REEP1: variants seen among roughly 807,000 people sequenced by gnomAD.
REEP1 encodes receptor accessory protein 1.
REEP1 carries 22 observed loss-of-function variants against 40.3 expected under a neutral mutation model. The observed-to-expected ratio is 0.55, with a 90% CI of 0.39 to 0.78. The LOEUF (loss-of-function observed/expected upper bound fraction) is 0.78, where lower values mean the gene tolerates loss of function less well. Ranked by LOEUF, REEP1 falls within the 30% of genes least tolerant of loss-of-function variation. The pLI, the probability that REEP1 is intolerant of heterozygous loss-of-function variation, is 0.00. For missense variants in REEP1, 280 were observed against 361.1 expected (o/e 0.78, Z 1.82); for synonymous variants, 116 against 139.2 (o/e 0.83, Z 1.17).
At chr2:86,219,451 CTTTTT>C (rs11350191) in intron 8 of REEP1, among the ~76,000 whole-genome samples, 2,138 of 129,956 alleles carry the variant, frequency 0.016, 55 homozygotes, top group African/African-American at 0.056. Flanking sequence ...TTTTTCTTTT[CTTTTT>C]TTTTTTTTTT....
intron 8 of REEP1, among the ~76,000 whole-genome samples, chr2:86,219,726 A>G (rs7592211): frequency 0.81 from 123,941 of 152,158 alleles, 52,526 homozygotes; most frequent in East Asian, 0.98. Context: ...GATTACAGGC[A>G]TAAGCCACTG....
rs143607936 is a variant in REEP1 at position 86,264,100 on chromosome 2, C to T, written c.106-59G>A. ...AAGGTCCAGGAAAAACACTGCCCAA[C>T]ACCAGGAAGAACAGGCCCCGGCGGC... On this transcript the variant is annotated intron_variant, in intron 2 of 8. Transcript: ENST00000538924. The T allele has an allele frequency of 1.6e-4, 209 of 1,343,730 alleles. 1 individual carries two copies. In the African/African-American group the frequency reaches 2.7e-3, roughly 17 times the overall value. The allele number at this position is 1,343,730 out of a possible 1,614,324, so 83.2% of individuals were successfully genotyped here. A position where few individuals can be genotyped will look rare whatever the true frequency, so the allele number is the denominator to read the frequency against.
At chr2:86,218,217 C>T (rs550236408) in intron 8 of REEP1, among the ~76,000 whole-genome samples, 5 of 152,312 alleles carry the variant, frequency 3.3e-5, no homozygotes, top group East Asian at 1.9e-4. Flanking sequence ...GCATCGTCAC[C>T]TCCTTTGTTC....
intron 4 of REEP1, among the ~76,000 whole-genome samples, chr2:86,253,098 A>G (rs1676371525): frequency 6.6e-6 from 1 of 152,204 alleles, no homozygotes. Flanking sequence ...CCTGGCCAAC[A>G]TGGTAAAACC....
At chr2:86,312,060 G>A in intron 1 of REEP1, among the ~76,000 whole-genome samples, 1 of 152,094 alleles carries the variant, frequency 6.6e-6, no homozygotes, top group East Asian at 1.9e-4. Flanking sequence ...CCAAGACTCG[G>A]GTTCAGCCCT....
chr2:86,220,703 G>GT (rs1350962063), intron 7 of REEP1, among the ~76,000 whole-genome samples: 1 of 83,282 alleles, frequency 1.2e-5, no homozygotes, highest in African/African-American at 2.7e-5. Flanking sequence ...TAGTTTTTTT[G>GT]TTTGTTTTTT....
At chr2:86,251,881 G>A in intron 5 of REEP1, 76 bp downstream of exon 5, 2 of 987,452 alleles carry the variant, frequency 2.0e-6, no homozygotes, top group Non-Finnish European at 3.3e-6. Flanking sequence ...CCTGTTCTGT[G>A]TGGTCGCACA....
At chr2:86,230,911 G>T (rs949660262) in intron 6 of REEP1, among the ~76,000 whole-genome samples, 3 of 152,208 alleles carry the variant, frequency 2.0e-5, no homozygotes, top group South Asian at 4.1e-4. Context: ...CATCTAAGGG[G>T]CAGCTTTCAT....
rs191466004 is a variant in REEP1 at position 86,293,470 on chromosome 2, T to A, written c.33-11228A>T. The stretch of plus-strand genomic sequence containing the variant: ...TGACTACAAAGGGGCATGGAGGAAG[T>A]TTTGGAGGCAATGAACCTGTTCTAT... On this transcript the variant is annotated intron_variant, in intron 1 of 8. Transcript: ENST00000538924. 1.2e-4 allele frequency among the ~76,000 whole-genome samples: 18 copies of A among 152,214 alleles called. 1 individual carries two copies. The South Asian group carries it at 3.5e-3, about 30-fold the overall frequency.
intron 1 of REEP1, among the ~76,000 whole-genome samples, chr2:86,311,634 T>C (rs1447432966): frequency 6.6e-6 from 1 of 152,174 alleles, no homozygotes; most frequent in Non-Finnish European, 1.5e-5. Flanking sequence ...TTTCTTTTTA[T>C]AAGGATACCA....
intron 5 of REEP1, among the ~76,000 whole-genome samples, chr2:86,242,447 G>A (rs1675714351): frequency 1.3e-5 from 2 of 152,242 alleles, no homozygotes; most frequent in South Asian, 2.1e-4. Flanking sequence ...AGAGGACCCA[G>A]GAGTGAGAGG....
intron 2 of REEP1, among the ~76,000 whole-genome samples, chr2:86,268,827 G>C (rs1165301006): frequency 6.6e-6 from 1 of 152,202 alleles, no homozygotes; most frequent in African/African-American, 2.4e-5. Context: ...ACCCACGCAA[G>C]TATAGTGATT....
intron 4 of REEP1, 144 bp from the exon 5 acceptor site, chr2:86,252,214 T>C (rs1676323594): frequency 1.4e-6 from 1 of 712,694 alleles, no homozygotes; most frequent in African/African-American, 1.7e-5. Context: ...ACTTTGAAGG[T>C]GTGCGTGCAG....
At position 86,225,275 on chromosome 2, in the gene REEP1, C is replaced by T. The variant is rs117714769; in HGVS notation, c.631+2088G>A. Among the ~76,000 whole-genome samples the T allele has an allele frequency of 3.2e-3, 489 of 152,260 alleles. 11 individuals carry two copies. The East Asian group carries it at 0.065, about 20-fold the overall frequency. ...GCCTTATGGCCTCCAGAATCCCCAG[C>T]TTTTTTGTTTTTTTAGATGGAGTTT... On this transcript the variant is annotated intron_variant, in intron 7 of 8. Transcript: ENST00000538924.
At chr2:86,246,666 A>G (rs556753010) in intron 5 of REEP1, among the ~76,000 whole-genome samples, 1 of 150,526 alleles carries the variant, frequency 6.6e-6, no homozygotes, top group African/African-American at 2.4e-5. Flanking sequence ...TCGTCTCACT[A>G]TGGTTTCTTT....
rs191035471 is a variant in REEP1 at position 86,310,775 on chromosome 2, T to C, written c.32+26704A>G. Among the ~76,000 whole-genome samples, 789 of 152,092 alleles carry C rather than the reference T, an allele frequency of 5.2e-3. 4 individuals are homozygous for C. Among genetic ancestry groups the C allele is most frequent in the Non-Finnish European group, 8.2e-3 (556 of 67,980 alleles). ...TGTAGTAATAACAATGTACGGTGTATAGAGGATAAAAGGAAGCAAAAGACA... is the reference window on the plus strand; with the variant it reads ...TGTAGTAATAACAATGTACGGTGTACAGAGGATAAAAGGAAGCAAAAGACA... On this transcript the variant is annotated intron_variant, in intron 1 of 8. Coordinates refer to ENST00000538924, the MANE Select transcript of REEP1 (RefSeq NM_001371279.1).
intron 4 of REEP1, 119 bp downstream of exon 4, chr2:86,254,575 C>T: frequency 9.3e-7 from 1 of 1,075,490 alleles, no homozygotes; most frequent in Admixed American, 1.9e-5. Flanking sequence ...GGAGGAATGA[C>T]TTGCTGGAGG....
chr2:86,217,199 T>C lies in REEP1; in HGVS notation c.784-89A>G, dbSNP rs973789280. 7.0e-6 allele frequency: 8 copies of C among 1,139,202 alleles called. No individual in the cohort carries two copies. The African/African-American group carries it at 1.2e-4, about 17-fold the overall frequency. The allele number at this position is 1,139,202 out of a possible 1,614,324, so 70.6% of individuals were successfully genotyped here. ...CACCTGGAAGGCATTGTGTTGAGAC[T>C]TCCAGCTCCTTTGGCCAAATGCAGC... On this transcript the variant is annotated intron_variant, in intron 8 of 8. Transcript: ENST00000538924.
At chr2:86,320,429 A>G (rs929694119) in intron 1 of REEP1, among the ~76,000 whole-genome samples, 10 of 152,350 alleles carry the variant, frequency 6.6e-5, no homozygotes, top group African/African-American at 2.4e-4. Context: ...ACTCCTACAG[A>G]TGAAATTCCA....
Sources: allele counts gnomAD v4.1 joint callset (sites outside exome capture counted in the v4.1 genomes callset), GRCh38; gene constraint gnomAD v4.1.1; transcripts MANE v1.5; gene names NCBI Gene and HGNC (gene_info 2026-07-23, HGNC 2026-07-21).